Variants in SVOPL observed in about 807,000 individuals in gnomAD.
SVOPL encodes the protein SVOP like, also known as putative transporter SVOPL.
Under a neutral mutation model 61.0 loss-of-function variants are expected in SVOPL, and 60 were observed. That is an observed-to-expected ratio of 0.98 (90% CI 0.80 to 1.22). The LOEUF is 1.22. Ranked by LOEUF, SVOPL falls within the 50% of genes most tolerant of loss-of-function variation. The pLI is 0.00. For missense variants in SVOPL, 662 were observed against 643.9 expected (o/e 1.03, Z -0.30); for synonymous variants, 279 against 250.0 (o/e 1.12, Z -1.09).
At chr7:138,679,399 A>T (rs919155439) in intron 1 of SVOPL, among the ~76,000 whole-genome samples, 11 of 152,098 alleles carry the variant, frequency 7.2e-5, no homozygotes, top group South Asian at 4.2e-4. Context: ...CCTCTTGAGT[A>T]GCTGGGGTTA....
chr7:138,635,548 T>C (rs1800430319), intron 9 of SVOPL, among the ~76,000 whole-genome samples: 1 of 151,950 alleles, frequency 6.6e-6, no homozygotes, highest in South Asian at 2.1e-4. Flanking sequence ...AGGAGTTTTG[T>C]TTTAAACTTG....
intron 9 of SVOPL, among the ~76,000 whole-genome samples, chr7:138,643,911 T>C (rs1268492382): frequency 1.3e-5 from 2 of 152,020 alleles, no homozygotes; most frequent in South Asian, 2.1e-4. Flanking sequence ...ATAAATTATA[T>C]GTTATGTATA....
At chr7:138,619,671 A>C (rs1318548795) in intron 14 of SVOPL, among the ~76,000 whole-genome samples, 1 of 151,774 alleles carries the variant, frequency 6.6e-6, no homozygotes. Context: ...AAATTGTGGG[A>C]AATACCTGAT....
intron 14 of SVOPL, among the ~76,000 whole-genome samples, chr7:138,607,124 G>A (rs942241706): frequency 6.6e-6 from 1 of 152,018 alleles, no homozygotes; most frequent in Non-Finnish European, 1.5e-5. Flanking sequence ...ACGGGTTTGG[G>A]GAGAGATGTC....
At chr7:138,640,529 C>T (rs748774415) in intron 9 of SVOPL, among the ~76,000 whole-genome samples, 5 of 152,158 alleles carry the variant, frequency 3.3e-5, no homozygotes, top group Admixed American at 6.5e-5. Flanking sequence ...GGATTACAGG[C>T]GTGAGCCACT....
intron 9 of SVOPL, among the ~76,000 whole-genome samples, chr7:138,638,599 A>C (rs1800619440): frequency 2.0e-5 from 3 of 151,986 alleles, no homozygotes; most frequent in Non-Finnish European, 4.4e-5. Flanking sequence ...ATCACAAAAA[A>C]CAGCTAAAAT....
chr7:138,669,756 A>G (rs773626672), intron 4 of SVOPL, among the ~76,000 whole-genome samples: 37 of 152,212 alleles, frequency 2.4e-4, no homozygotes, highest in Non-Finnish European at 5.9e-5. Context: ...TTCTGTCCCA[A>G]GCTGGGTTAT....
At chr7:138,648,666 C>T (rs1006672682) in intron 8 of SVOPL, among the ~76,000 whole-genome samples, 18 of 151,720 alleles carry the variant, frequency 1.2e-4, no homozygotes, top group African/African-American at 4.1e-4. Flanking sequence ...CGAGGTCGCG[C>T]CACTGCACTC....
intron 13 of SVOPL, among the ~76,000 whole-genome samples, chr7:138,622,137 T>TCGACAGAGTCTCACTCTTTCGCCCAG (rs1563096355): frequency 7.4e-6 from 1 of 134,542 alleles, no homozygotes; most frequent in Admixed American, 7.6e-5. Context: ...TATCTATCTA[T>TCGACAGAGTCTCACTCTTTCGCCCAG]GTATCTATCT....
intron 4 of SVOPL, among the ~76,000 whole-genome samples, chr7:138,670,797 T>C (rs964698758): frequency 7.9e-5 from 12 of 152,284 alleles, no homozygotes; most frequent in South Asian, 4.1e-4. Flanking sequence ...TACACCCTCA[T>C]TGACCTTCTA....
chr7:138,647,246 C>T (rs1368938355), intron 8 of SVOPL, among the ~76,000 whole-genome samples: 1 of 151,614 alleles, frequency 6.6e-6, no homozygotes, highest in Non-Finnish European at 1.5e-5. Context: ...TGGTGGCACG[C>T]ACCTGGCACC....
intron 14 of SVOPL, among the ~76,000 whole-genome samples, chr7:138,605,183 CATTT>C (rs1344084478): frequency 2.2e-5 from 3 of 134,140 alleles, no homozygotes; most frequent in South Asian, 2.5e-4. Flanking sequence ...TGTTTCCTGA[CATTT>C]ATTTAAAAAA....
At position 138,626,145 on chromosome 7, in the gene SVOPL, A is replaced by G. The variant is rs972744786; in HGVS notation, c.1182-95T>C. 8.3e-6 allele frequency: 10 copies of G among 1,210,476 alleles called. No individual in the cohort carries two copies. The Admixed American group carries it at 1.2e-4, about 14-fold the overall frequency. 75.0% of individuals were successfully genotyped at this position (1,210,476 alleles called of 1,614,324 possible). On this transcript the variant is annotated intron_variant, in intron 12 of 15. Transcript: ENST00000674285. ...GAGTGCACTGTGGATGCTGAGATAC[A>G]ATCACAGATAACTCAGAACCCGAGG...
intron 9 of SVOPL, among the ~76,000 whole-genome samples, chr7:138,632,631 A>T (rs1266603122): frequency 6.6e-6 from 1 of 150,624 alleles, no homozygotes; most frequent in Non-Finnish European, 1.5e-5. Context: ...CAGAGGAAGT[A>T]GGATGTGGAG....
At chr7:138,615,893 C>T (rs990819713) in intron 14 of SVOPL, among the ~76,000 whole-genome samples, 4 of 152,108 alleles carry the variant, frequency 2.6e-5, no homozygotes, top group Non-Finnish European at 5.9e-5. Flanking sequence ...AAAACTCTTT[C>T]CCCTCTTTCT....
At chr7:138,656,682 C>T (rs749128222) in intron 6 of SVOPL, among the ~76,000 whole-genome samples, 171 bp from the exon 7 acceptor site, 6 of 152,056 alleles carry the variant, frequency 3.9e-5, no homozygotes, top group South Asian at 2.1e-4. Flanking sequence ...ACAGTAAGAA[C>T]GAAACTGACA....
At position 138,635,828 on chromosome 7, in the gene SVOPL, A is replaced by G. The variant is rs572628081; in HGVS notation, c.790-5706T>C. Among the ~76,000 whole-genome samples, 25 of 152,326 alleles carry G rather than the reference A, an allele frequency of 1.6e-4. No individual in the cohort carries two copies. In the South Asian group the frequency reaches 4.8e-3, roughly 29 times the overall value. On this transcript the variant is annotated intron_variant, in intron 9 of 15. Coordinates refer to ENST00000674285, the MANE Select transcript of SVOPL (RefSeq NM_001139456.2). ...CCATTTAGCAATCAAGAAATTGGCAATTGCTGTTAAGAGGGTTATAAAGCT... is the reference window on the plus strand; with the variant it reads ...CCATTTAGCAATCAAGAAATTGGCAGTTGCTGTTAAGAGGGTTATAAAGCT...
chr7:138,633,279 T>G (rs1432609368), intron 9 of SVOPL, among the ~76,000 whole-genome samples: 1 of 152,212 alleles, frequency 6.6e-6, no homozygotes, highest in Non-Finnish European at 1.5e-5. Context: ...CCAAGTCTCA[T>G]GTTGAAATGT....
intron 14 of SVOPL, among the ~76,000 whole-genome samples, chr7:138,607,126 A>T (rs1321123927): frequency 1.3e-5 from 2 of 151,904 alleles, no homozygotes; most frequent in African/African-American, 4.8e-5. Flanking sequence ...GGGTTTGGGG[A>T]GAGATGTCAG....
Sources: allele counts gnomAD v4.1 joint callset (sites outside exome capture counted in the v4.1 genomes callset), GRCh38; gene constraint gnomAD v4.1.1; transcripts MANE v1.5; gene names NCBI Gene and HGNC (gene_info 2026-07-23, HGNC 2026-07-21).